NPBWR2: variants seen among roughly 807,000 people sequenced by gnomAD.
NPBWR2 encodes the protein neuropeptides B and W receptor 2, also known as neuropeptides B/W receptor type 2.
For missense variants in NPBWR2, 390 were observed against 458.2 expected, an observed-to-expected ratio of 0.85 and a Z score of 1.36; for synonymous variants, 207 against 223.5, an observed-to-expected ratio of 0.93 and a Z score of 0.66.
In NPBWR2 at chr20:64,106,145, A is replaced by C. The variant is rs370407034; in HGVS notation, c.687T>G (p.Cys229Trp). 1 of 1,612,242 alleles carries C rather than the reference A, an allele frequency of 6.2e-7. No individual in the cohort carries two copies. The highest frequency in any genetic ancestry group is 1.3e-5 in the African/African-American group (1 of 74,886). The change falls in exon 2 of 2, where the codon TGT (cysteine) becomes TGG (tryptophan). Residue 229 changes from cysteine to tryptophan, a missense_variant. Physicochemically the swap from Cys to Trp is radical, Grantham distance 215 (BLOSUM62 -2). Coordinates refer to ENST00000684052, the MANE Select transcript of NPBWR2 (RefSeq NM_005286.4). The surrounding 1 kb of genome is among the most constrained non-coding windows in gnomAD (Gnocchi z 9.5). ...TGCGCAGGAGGTCTGTGTAGAGCAC[A>C]CAGATGGTGCACACGGGCAGCACGA... ...LGFVLPVCTI[C>W]VLYTDLLRRL...
chr20:64,106,038 A>T lies in NPBWR2; in HGVS notation c.794T>A (p.Val265Glu). 1 of 1,611,118 alleles carries T rather than the reference A, an allele frequency of 6.2e-7. No individual in the cohort carries two copies. The highest frequency in any genetic ancestry group is 1.1e-5 in the South Asian group (1 of 91,060). The part of the protein sequence containing the change: ...RRKVTVLVLV[V>E]LAVCLLCWTP... The stretch of plus-strand genomic sequence containing the variant: ...CCAGCAGAGGAGGCACACGGCCAGC[A>T]CGACGAGGACCAGGACGGTCACCTT... Residue 265 changes from valine (V) to glutamate (E), a missense_variant, in exon 2 of 2, where the codon GTG becomes GAG. Val to Glu is a moderately radical substitution (Grantham distance 121). Coordinates refer to ENST00000684052, the MANE Select transcript of NPBWR2 (RefSeq NM_005286.4). This position sits in a 1 kb window ranked among gnomAD's most constrained non-coding sequence, Gnocchi z 9.5.
In NPBWR2 at chr20:64,105,657, GTGGGCATGATGA is replaced by G. The variant is rs1462292604; in HGVS notation, c.*161_*172del. 3.5e-5 allele frequency among the ~76,000 whole-genome samples: 1 copy of G among 28,276 alleles called. No homozygotes were observed. Among genetic ancestry groups the G allele is most frequent in the Admixed American group, 3.6e-4 (1 of 2,768 alleles). The allele number at this position is 28,276 out of a possible 152,430, so 18.6% of individuals were successfully genotyped here. On this transcript the variant is annotated 3_prime_UTR_variant, in exon 2 of 2. Coordinates refer to ENST00000684052, the MANE Select transcript of NPBWR2 (RefSeq NM_005286.4). ...GGGCGTGATGGTGGATGTGATGGGG[GTGGGCATGATGA>G]TGGGCGTGATGATGGGGGTGGTGGT...
chr20:64,105,725 G>GGTGGTGGGCATGATGATGGGGGT lies in NPBWR2; in HGVS notation c.*104_*105insACCCCCATCATCATGCCCACCAC. The GGTGGTGGGCATGATGATGGGGGT allele has an allele frequency of 3.8e-6, 1 of 261,346 alleles. No individual in the cohort carries two copies. Among genetic ancestry groups the GGTGGTGGGCATGATGATGGGGGT allele is most frequent in the African/African-American group, 8.4e-5 (1 of 11,880 alleles). The allele number at this position is 261,346 out of a possible 1,614,324, so 16.2% of individuals were successfully genotyped here. ...TGATGGTGGGGGTGGTGGTGGGGGTGGGGGGGGGTGGGCCTGATGGGGGTG... is the reference window on the plus strand; with the variant it reads ...TGATGGTGGGGGTGGTGGTGGGGGTGGTGGTGGGCATGATGATGGGGGTGGGGGGGGTGGGCCTGATGGGGGTG... On this transcript the variant is annotated 3_prime_UTR_variant, in exon 2 of 2. Coordinates refer to ENST00000684052, the MANE Select transcript of NPBWR2 (RefSeq NM_005286.4).
chr20:64,106,185 G>A lies in NPBWR2; in HGVS notation c.647C>T (p.Thr216Met), dbSNP rs199730358. The A allele has an allele frequency of 2.7e-5, 43 of 1,612,676 alleles. No individual in the cohort carries two copies. The East Asian group carries it at 3.8e-4, about 14-fold the overall frequency. Residue 216 changes from threonine to methionine, a missense_variant, in exon 2 of 2, where the codon ACG becomes ATG. Physicochemically the swap from Thr to Met is moderately conservative, Grantham distance 81. Transcript: ENST00000684052. This position sits in a 1 kb window ranked among gnomAD's most constrained non-coding sequence, Gnocchi z 9.5. ...GGGCAGCACGAAGCCCAGGACCAAC[G>A]TGTAGACACGGCTGGCCTTGAACCA... is the stretch of plus-strand genomic sequence containing the variant. ...QVWFKASRVY[T>M]LVLGFVLPVC...
At position 64,105,931 on chromosome 20, in the gene NPBWR2, T is replaced by C. The variant is rs149545922; in HGVS notation, c.901A>G (p.Ile301Val). Residue 301 changes from isoleucine to valine, a missense_variant, in exon 2 of 2, where the codon ATC becomes GTC. Physicochemically the swap from Ile to Val is conservative, Grantham distance 29 (BLOSUM62 3). Transcript: ENST00000684052. ...GAGTTGGCGTAGCTGAGGCTGGTGA[T>C]GACGTAGGACATACTGATGACCAGT... ...TPLVISMSYV[I>V]TSLSYANSCL... The C allele has an allele frequency of 1.3e-4, 216 of 1,612,682 alleles. 2 individuals carry two copies. Among genetic ancestry groups the C allele is most frequent in the Non-Finnish European group, 3.1e-5 (36 of 1,179,814 alleles).
At position 64,105,909 on chromosome 20, in the gene NPBWR2, T is replaced by C. The variant is rs948340644; in HGVS notation, c.923A>G (p.Asn308Ser). 7 of 1,611,186 alleles carry C rather than the reference T, an allele frequency of 4.3e-6. No individual in the cohort carries two copies. In the Middle Eastern group the frequency reaches 6.6e-4, roughly 151 times the overall value. Reference sequence around the variant, plus strand: ...GTAGAGGAAGGGGTTCAGGCACGAGTTGGCGTAGCTGAGGCTGGTGATGAC... The same window carrying C: ...GTAGAGGAAGGGGTTCAGGCACGAGCTGGCGTAGCTGAGGCTGGTGATGAC... Reference protein sequence around the residue: ...SYVITSLSYANSCLNPFLYAF... With the variant: ...SYVITSLSYASSCLNPFLYAF... The change falls in exon 2 of 2, where the codon AAC becomes AGC. Residue 308 changes from asparagine to serine, a missense_variant. By Grantham distance (46) the Asn-to-Ser change is conservative (BLOSUM62 1). Transcript: ENST00000684052.
At position 64,105,260 on chromosome 20, in the gene NPBWR2, A is replaced by G. The variant is rs944850772; in HGVS notation, c.*570T>C. Among the ~76,000 whole-genome samples, 1 of 151,218 alleles carries G rather than the reference A, an allele frequency of 6.6e-6. No individual in the cohort carries two copies. Among genetic ancestry groups the G allele is most frequent in the Non-Finnish European group, 1.5e-5 (1 of 67,844 alleles). On this transcript the variant is annotated 3_prime_UTR_variant, in exon 2 of 2. Coordinates refer to ENST00000684052, the MANE Select transcript of NPBWR2 (RefSeq NM_005286.4). The stretch of plus-strand genomic sequence containing the variant: ...CCAGAGCCTTCCAAGGGGCTTGTCC[A>G]TCTGTCTGTCTCTCGTGGGTAAGTG...
rs1300469182 is a variant in NPBWR2 at position 64,105,127 on chromosome 20, AC to A, written c.*702del. ...GCTGCTGCCTGAGGTGCCCGCACTT[AC>A]CACCCCCCGGCCCCATCTTGGGGAG... On this transcript the variant is annotated 3_prime_UTR_variant, in exon 2 of 2. Transcript: ENST00000684052. Among the ~76,000 whole-genome samples the A allele has an allele frequency of 6.6e-6, 1 of 151,980 alleles. No individual in the cohort carries two copies. The highest frequency in any genetic ancestry group is 2.4e-5 in the African/African-American group (1 of 41,366).
At position 64,106,859 on chromosome 20, in the gene NPBWR2, C is replaced by T; in HGVS notation, c.-28G>A. The T allele has an allele frequency of 1.9e-6, 3 of 1,594,326 alleles. No homozygotes were observed. Among genetic ancestry groups the T allele is most frequent in the Non-Finnish European group, 2.6e-6 (3 of 1,167,022 alleles). ...TAGCTGGGACCGTTGACGATTTGCGCCCTGGGCAGGTGGGAGGTGCCTTGG... is the reference window on the plus strand; with the variant it reads ...TAGCTGGGACCGTTGACGATTTGCGTCCTGGGCAGGTGGGAGGTGCCTTGG... On this transcript the variant is annotated 5_prime_UTR_variant, in exon 2 of 2. Transcript: ENST00000684052. The surrounding 1 kb of genome is among the most constrained non-coding windows in gnomAD (Gnocchi z 9.5).
In NPBWR2 at chr20:64,106,163, C is replaced by T; in HGVS notation, c.669G>A (p.Leu223=). The T allele has an allele frequency of 6.2e-7, 1 of 1,612,448 alleles. No homozygotes were observed. Among genetic ancestry groups the T allele is most frequent in the Non-Finnish European group, 8.5e-7 (1 of 1,179,826 alleles). The change falls in exon 2 of 2, where the codon CTG becomes CTA. Residue 223 remains leucine, a synonymous_variant. Coordinates refer to ENST00000684052, the MANE Select transcript of NPBWR2 (RefSeq NM_005286.4). This position sits in a 1 kb window ranked among gnomAD's most constrained non-coding sequence, Gnocchi z 9.5. Reference sequence around the variant, plus strand: ...AGAGCACACAGATGGTGCACACGGGCAGCACGAAGCCCAGGACCAACGTGT... The same window carrying T: ...AGAGCACACAGATGGTGCACACGGGTAGCACGAAGCCCAGGACCAACGTGT... ...RVYTLVLGFV[L]PVCTICVLYT... is the part of the protein sequence containing the mutation.
At position 64,106,568 on chromosome 20, in the gene NPBWR2, G is replaced by T; in HGVS notation, c.264C>A (p.Ala88=). The T allele has an allele frequency of 6.2e-7, 1 of 1,611,854 alleles. No individual in the cohort carries two copies. Among genetic ancestry groups the T allele is most frequent in the South Asian group, 1.1e-5 (1 of 91,074 alleles). ...TVTNVFILNL[A]VADGLFTLVL... Reference sequence around the variant, plus strand: ...CCAGCGTGAAGAGCCCGTCGGCGACGGCCAGGTTCAGGATGAACACGTTGG... The same window carrying T: ...CCAGCGTGAAGAGCCCGTCGGCGACTGCCAGGTTCAGGATGAACACGTTGG... The change falls in exon 2 of 2, where the codon GCC becomes GCA. Residue 88 remains alanine (A), a synonymous_variant. Transcript: ENST00000684052. This position sits in a 1 kb window ranked among gnomAD's most constrained non-coding sequence, Gnocchi z 9.5.
rs1979893272 is a variant in NPBWR2, at chr20:64,104,660, T to A, written c.*1170A>T. 8.7e-6 allele frequency among the ~76,000 whole-genome samples: 1 copy of A among 114,892 alleles called. No individual in the cohort carries two copies. The allele number at this position is 114,892 out of a possible 152,430, so 75.4% of individuals were successfully genotyped here. ...GGAGCACAGGCCATGGAGAGGACCG[T>A]CAGACACAGCAGGGGGGTACAGGGG... On this transcript the variant is annotated 3_prime_UTR_variant, in exon 2 of 2. Coordinates refer to ENST00000684052, the MANE Select transcript of NPBWR2 (RefSeq NM_005286.4).
Position 64,107,489 on chromosome 20 carries a change from A to G in NPBWR2, c.-217T>C, listed in dbSNP as rs1980094540. Among the ~76,000 whole-genome samples the G allele has an allele frequency of 1.3e-5, 2 of 152,202 alleles. No homozygotes were observed. The highest frequency in any genetic ancestry group is 2.9e-5 in the Non-Finnish European group (2 of 68,034). Reference sequence around the variant, plus strand: ...CTGACAGACCTCCAGCTGAGGTTTCAGGAGTTTCAAGACCTGCCCTGCTGG... The same window carrying G: ...CTGACAGACCTCCAGCTGAGGTTTCGGGAGTTTCAAGACCTGCCCTGCTGG... On this transcript the variant is annotated 5_prime_UTR_variant, in exon 1 of 2. Transcript: ENST00000684052. The surrounding 1 kb of genome is among the most constrained non-coding windows in gnomAD (Gnocchi z 6.3).
chr20:64,106,028 C>T lies in NPBWR2; in HGVS notation c.804G>A (p.Val268=). 1.9e-6 allele frequency: 3 copies of T among 1,611,232 alleles called. No homozygotes were observed. The highest frequency in any genetic ancestry group is 1.7e-6 in the Non-Finnish European group (2 of 1,179,546). Residue 268 remains valine, a synonymous_variant, in exon 2 of 2, where the codon GTG becomes GTA. Transcript: ENST00000684052. This position sits in a 1 kb window ranked among gnomAD's most constrained non-coding sequence, Gnocchi z 9.5. The stretch of plus-strand genomic sequence containing the variant: ...GGAAGGGCGTCCAGCAGAGGAGGCA[C>T]ACGGCCAGCACGACGAGGACCAGGA... The part of the protein sequence containing the change: ...VTVLVLVVLA[V]CLLCWTPFHL...
chr20:64,105,537 G>A lies in NPBWR2; in HGVS notation c.*293C>T, dbSNP rs140159514. The stretch of plus-strand genomic sequence containing the variant: ...GGTGGGCGTGATGATGGGGGTGATG[G>A]TGGGGGTGGTGGGGGGGGTGGGCGT... On this transcript the variant is annotated 3_prime_UTR_variant, in exon 2 of 2. Transcript: ENST00000684052. 0.024 allele frequency among the ~76,000 whole-genome samples: 300 copies of A among 12,560 alleles called. 14 individuals carry two copies. The highest frequency in any genetic ancestry group is 0.039 in the South Asian group (19 of 492). 8.2% of individuals were successfully genotyped at this position (12,560 alleles called of 152,430 possible). A position where few individuals can be genotyped will look rare whatever the true frequency, so the allele number is the denominator to read the frequency against.
rs2145643774 is a variant in NPBWR2, at chr20:64,106,793, C to T, written c.39G>A (p.Arg13=). Residue 13 remains arginine (R), a synonymous_variant, in exon 2 of 2, where the codon AGG becomes AGA. Coordinates refer to ENST00000684052, the MANE Select transcript of NPBWR2 (RefSeq NM_005286.4). The surrounding 1 kb of genome is among the most constrained non-coding windows in gnomAD (Gnocchi z 9.5). ...AAGHPEPLDS[R]GSFSLPTMGA... ...CCATCGTGGGGAGGGAGAAGGAGCC[C>T]CTGCTGTCAAGGGGCTCTGGGTGCC... 1.2e-6 allele frequency: 2 copies of T among 1,612,344 alleles called. No individual in the cohort carries two copies. The highest frequency in any genetic ancestry group is 4.5e-5 in the East Asian group (2 of 44,856).
At position 64,105,007 on chromosome 20, in the gene NPBWR2, C is replaced by T. The variant is rs1415742282; in HGVS notation, c.*823G>A. Among the ~76,000 whole-genome samples the T allele has an allele frequency of 6.6e-6, 1 of 152,092 alleles. No homozygotes were observed. Among genetic ancestry groups the T allele is most frequent in the African/African-American group, 2.4e-5 (1 of 41,398 alleles). On this transcript the variant is annotated 3_prime_UTR_variant, in exon 2 of 2. Coordinates refer to ENST00000684052, the MANE Select transcript of NPBWR2 (RefSeq NM_005286.4). ...GGCACATGGGCACGGCGGGGCTGGG[C>T]CTCCTGCTGGAACTCCACTTGGGCT...
Position 64,106,775 on chromosome 20 carries a change from G to T in NPBWR2, c.57C>A (p.Pro19=). 1 of 1,612,660 alleles carries T rather than the reference G, an allele frequency of 6.2e-7. No homozygotes were observed. The highest frequency in any genetic ancestry group is 1.1e-5 in the South Asian group (1 of 91,078). The change falls in exon 2 of 2, where the codon CCC becomes CCA. Residue 19 remains proline (P), a synonymous_variant. Coordinates refer to ENST00000684052, the MANE Select transcript of NPBWR2 (RefSeq NM_005286.4). This position sits in a 1 kb window ranked among gnomAD's most constrained non-coding sequence, Gnocchi z 9.5. ...CCTGAGAGACGTTGGCACCCATCGTGGGGAGGGAGAAGGAGCCCCTGCTGT... is the reference window on the plus strand; with the variant it reads ...CCTGAGAGACGTTGGCACCCATCGTTGGGAGGGAGAAGGAGCCCCTGCTGT... ...PLDSRGSFSL[P]TMGANVSQDN...
Position 64,106,284 on chromosome 20 carries a change from GAGA to G in NPBWR2, c.545_547del (p.Phe182del). 6.2e-7 allele frequency: 1 copy of G among 1,612,842 alleles called. No homozygotes were observed. On this transcript the variant is annotated inframe_deletion, in exon 2 of 2. Transcript: ENST00000684052. This position sits in a 1 kb window ranked among gnomAD's most constrained non-coding sequence, Gnocchi z 9.5. ...CTCGTTGCTGTAGACGCCAGCGAAA[GAGA>G]AGAAGGGCAGAACCAGGACCGTGAC...
Sources: allele counts gnomAD v4.1 joint callset (sites outside exome capture counted in the v4.1 genomes callset), GRCh38; gene constraint gnomAD v4.1.1; non-coding constraint Gnocchi (gnomAD v3.1); transcripts MANE v1.5; gene names NCBI Gene and HGNC (gene_info 2026-07-23, HGNC 2026-07-21).